ZNF462: variants seen among roughly 807,000 people sequenced by gnomAD.
The protein encoded by ZNF462 is zinc finger PBX1-interacting protein.
In ZNF462, 10 loss-of-function variants were observed where a neutral mutation model predicts 201.9. The observed-to-expected ratio is 0.05, with a 90% confidence interval of 0.03 to 0.08. The LOEUF (loss-of-function observed/expected upper bound fraction) is 0.08, where lower values mean the gene tolerates loss of function less well. Ranked by LOEUF, ZNF462 falls within the 10% of genes least tolerant of loss-of-function variation. The pLI is 1.00. For missense variants in ZNF462, 2,523 were observed against 3,168.3 expected (o/e 0.80, Z 4.89); for synonymous variants, 1,227 against 1,193.3 (o/e 1.03, Z -0.58).
rs1231242910 is a variant in ZNF462 at position 106,966,267 on chromosome 9, A to G, written c.6428-5738A>G. 2.0e-5 allele frequency among the ~76,000 whole-genome samples: 3 copies of G among 151,746 alleles called. No individual in the cohort carries two copies. Among genetic ancestry groups the G allele is most frequent in the Non-Finnish European group, 4.4e-5 (3 of 67,926 alleles). On this transcript the variant is annotated intron_variant, in intron 7 of 12. Transcript: ENST00000277225. The surrounding 1 kb of genome is among the most constrained non-coding windows in gnomAD (Gnocchi z 4.4). ...CTGATGTACATGTTTTTCTGTTCAGACTCATCATTTCTTTACCCTAGGGAA... is the reference window on the plus strand; with the variant it reads ...CTGATGTACATGTTTTTCTGTTCAGGCTCATCATTTCTTTACCCTAGGGAA...
At chr9:106,975,019 A>G (rs1564144766) in intron 9 of ZNF462, 1 of 152,192 alleles carries the variant, frequency 6.6e-6, no homozygotes, top group African/African-American at 2.4e-5. Flanking sequence ...TTTGAGTTGC[A>G]TTTACCCTTG....
At position 106,977,910 on chromosome 9, in the gene ZNF462, T is replaced by C. The variant is rs1038208927; in HGVS notation, c.6832+3637T>C. 2.6e-5 allele frequency among the ~76,000 whole-genome samples: 4 copies of C among 151,516 alleles called. No individual in the cohort carries two copies. The highest frequency in any genetic ancestry group is 5.9e-5 in the Non-Finnish European group (4 of 68,026). On this transcript the variant is annotated intron_variant, in intron 9 of 12. Transcript: ENST00000277225. The surrounding 1 kb of genome is among the most constrained non-coding windows in gnomAD (Gnocchi z 4.6). ...GGAAGCTAGAACTCTGAAATCAAGG[T>C]GTTGACAGAGCTGTGTTTCCTCTGA...
chr9:106,878,497 T>C (rs1008925660), intron 1 of ZNF462, among the ~76,000 whole-genome samples: 1 of 152,254 alleles, frequency 6.6e-6, no homozygotes, highest in Non-Finnish European at 1.5e-5. Flanking sequence ...CATACGTCTA[T>C]TCATTCATTG....
intron 1 of ZNF462, among the ~76,000 whole-genome samples, chr9:106,867,533 T>G (rs1827390491): frequency 6.6e-6 from 1 of 152,030 alleles, no homozygotes; most frequent in African/African-American, 2.4e-5. Flanking sequence ...GAGGAATTGT[T>G]TTTTCCCCCT....
At chr9:106,875,546 G>T (rs1383956763) in intron 1 of ZNF462, among the ~76,000 whole-genome samples, 1 of 152,202 alleles carries the variant, frequency 6.6e-6, no homozygotes, top group Non-Finnish European at 1.5e-5. Context: ...TGTTAATCGA[G>T]AACTTTTAAC....
intron 7 of ZNF462, among the ~76,000 whole-genome samples, chr9:106,941,217 G>A (rs1462366769): frequency 6.6e-6 from 1 of 152,184 alleles, no homozygotes; most frequent in Non-Finnish European, 1.5e-5. Context: ...ACTCTCTTCT[G>A]AGGGCTGTAC....
At chr9:106,980,020 T>C (rs529310603) in intron 9 of ZNF462, among the ~76,000 whole-genome samples, 1 of 152,328 alleles carries the variant, frequency 6.6e-6, no homozygotes, top group African/African-American at 2.4e-5. Flanking sequence ...TCATTTTTCT[T>C]GAGAATAAAG....
At chr9:106,957,857 T>G (rs1273118009) in intron 7 of ZNF462, among the ~76,000 whole-genome samples, 1 of 152,126 alleles carries the variant, frequency 6.6e-6, no homozygotes, top group East Asian at 1.9e-4. Context: ...AGCACATGGA[T>G]AAAGCACTTG....
At chr9:106,862,460 C>G (rs75128206), upstream of ZNF462, among the ~76,000 whole-genome samples, 1 of 152,084 alleles carries the variant, frequency 6.6e-6, no homozygotes, top group Non-Finnish European at 1.5e-5. The surrounding 1 kb of genome is among the most constrained non-coding windows in gnomAD (Gnocchi z 4.2). Flanking sequence ...CGCCTCGGCC[C>G]GGCGGCCGCG....
chr9:106,879,162 G>A (rs1355630549), intron 1 of ZNF462, among the ~76,000 whole-genome samples: 3 of 152,144 alleles, frequency 2.0e-5, no homozygotes, highest in Non-Finnish European at 4.4e-5. Flanking sequence ...CGAGCCAGCA[G>A]TTCTGTTACC....
rs1830502707 is a variant in ZNF462 at position 106,933,429 on chromosome 9, A to T, written c.6116+880A>T. Among the ~76,000 whole-genome samples the T allele has an allele frequency of 2.0e-5, 3 of 152,202 alleles. No individual in the cohort carries two copies. In the South Asian group the frequency reaches 6.2e-4, roughly 31 times the overall value. On this transcript the variant is annotated intron_variant, in intron 5 of 12. Transcript: ENST00000277225. The surrounding 1 kb of genome is among the most constrained non-coding windows in gnomAD (Gnocchi z 4.3). ...ATATCTAATCTTTGTCATCAGATCC[A>T]TACATTGGCATAAAACTTGAAATAC... is the stretch of plus-strand genomic sequence containing the variant.
intron 7 of ZNF462, among the ~76,000 whole-genome samples, chr9:106,957,063 CTG>C (rs1186700796): frequency 1.7e-4 from 26 of 152,290 alleles, no homozygotes; most frequent in African/African-American, 6.3e-4. Context: ...ACTTGACTAA[CTG>C]TTTGGCACAA....
chr9:106,928,348 A>C lies in ZNF462; in HGVS notation c.4436A>C (p.Tyr1479Ser). The change falls in exon 3 of 13, where the codon TAT (tyrosine) becomes TCT (serine). Residue 1479 changes from tyrosine to serine, a missense_variant. Physicochemically the swap from Tyr to Ser is moderately radical, Grantham distance 144 (BLOSUM62 -2). Transcript: ENST00000277225. This position sits in a 1 kb window ranked among gnomAD's most constrained non-coding sequence, Gnocchi z 9.3. ...PYQCTVCQSE[Y>S]NNLHGLLTHY... is the part of the protein sequence containing the mutation. ...CAGTGCACGGTATGCCAATCTGAGT[A>C]TAACAACTTGCACGGCCTTCTCACT... The C allele has an allele frequency of 6.2e-7, 1 of 1,614,176 alleles. No individual in the cohort carries two copies. The highest frequency in any genetic ancestry group is 8.5e-7 in the Non-Finnish European group (1 of 1,180,036).
Position 106,917,725 on chromosome 9 carries a change from G to A in ZNF462, c.-30-5629G>A, listed in dbSNP as rs1344766549. Among the ~76,000 whole-genome samples the A allele has an allele frequency of 6.6e-6, 1 of 152,132 alleles. No individual in the cohort carries two copies. The highest frequency in any genetic ancestry group is 2.4e-5 in the African/African-American group (1 of 41,424). ...TAGCAAAAAGTATAAACATTTGATA[G>A]GTCATTTGAAGACTACATGGTGAGC... On this transcript the variant is annotated intron_variant, in intron 1 of 12. Transcript: ENST00000277225. The surrounding 1 kb of genome is among the most constrained non-coding windows in gnomAD (Gnocchi z 4.5).
In ZNF462 at chr9:107,013,288, A is replaced by G. The variant is rs1830028178; in HGVS notation, c.*2258A>G. The G allele has an allele frequency of 6.6e-6, 1 of 152,182 alleles. No homozygotes were observed. The highest frequency in any genetic ancestry group is 2.4e-5 in the African/African-American group (1 of 41,464). 9.4% of individuals were successfully genotyped at this position (152,182 alleles called of 1,614,324 possible). A position where few individuals can be genotyped will look rare whatever the true frequency, so the allele number is the denominator to read the frequency against. ...AATGTCATTTTTTTCTTTTTCAAACATATACCTGATATTTTGTGGCCGCAC... is the reference window on the plus strand; with the variant it reads ...AATGTCATTTTTTTCTTTTTCAAACGTATACCTGATATTTTGTGGCCGCAC... On this transcript the variant is annotated 3_prime_UTR_variant, in exon 13 of 13. Coordinates refer to ENST00000277225, the MANE Select transcript of ZNF462 (RefSeq NM_021224.6).
At chr9:106,915,715 C>T (rs1829744832) in intron 1 of ZNF462, among the ~76,000 whole-genome samples, 3 of 152,136 alleles carry the variant, frequency 2.0e-5, no homozygotes, top group Non-Finnish European at 4.4e-5. Flanking sequence ...ATCACAGTCC[C>T]CTTGAGTAGG....
Position 106,927,827 on chromosome 9 carries a change from T to A in ZNF462, c.3915T>A (p.Asp1305Glu). Residue 1305 changes from aspartate to glutamate, a missense_variant, in exon 3 of 13, where the codon GAT becomes GAA. Physicochemically the swap from Asp to Glu is conservative, Grantham distance 45. This residue lies in a region of ZNF462 where 222 missense variants were observed against 271.6 expected (regional missense o/e 0.82). Coordinates refer to ENST00000277225, the MANE Select transcript of ZNF462 (RefSeq NM_021224.6). ...VTSIMRWAFLDGLIEAGYHCE... is the reference protein window; with the variant it reads ...VTSIMRWAFLEGLIEAGYHCE... ...CCATCATGCGATGGGCATTTCTAGATGGCTTGATAGAAGCTGGCTACCACT... is the reference window on the plus strand; with the variant it reads ...CCATCATGCGATGGGCATTTCTAGAAGGCTTGATAGAAGCTGGCTACCACT... 6.2e-7 allele frequency: 1 copy of A among 1,614,150 alleles called. No homozygotes were observed. Among genetic ancestry groups the A allele is most frequent in the Non-Finnish European group, 8.5e-7 (1 of 1,180,038 alleles).
Position 107,010,781 on chromosome 9 carries a change from A to G in ZNF462, c.7314-42A>G, listed in dbSNP as rs370983684. The G allele has an allele frequency of 9.2e-5, 140 of 1,513,974 alleles. No homozygotes were observed. The highest frequency in any genetic ancestry group is 1.4e-4 in the African/African-American group (10 of 70,272). 93.8% of individuals were successfully genotyped at this position (1,513,974 alleles called of 1,614,324 possible). A position where few individuals can be genotyped will look rare whatever the true frequency, so the allele number is the denominator to read the frequency against. The stretch of plus-strand genomic sequence containing the variant: ...TTTTTTTGTTTAAAAAGAGAAATAT[A>G]TATACTATACTCATCTGTCTCTTCG... On this transcript the variant is annotated intron_variant, in intron 12 of 12. Transcript: ENST00000277225. The surrounding 1 kb of genome is among the most constrained non-coding windows in gnomAD (Gnocchi z 4.6).
At chr9:106,987,931 A>G (rs1827977554) in intron 10 of ZNF462, among the ~76,000 whole-genome samples, 1 of 151,986 alleles carries the variant, frequency 6.6e-6, no homozygotes, top group South Asian at 2.1e-4. Context: ...TCCTTTCCCC[A>G]CTTCATGTTT....
Sources: gnomAD v4.1 joint callset for allele counts (sites outside exome capture counted in the v4.1 genomes callset) on GRCh38, gnomAD v4.1.1 for gene constraint, gnomAD v4.1.1 regional missense constraint, Gnocchi (gnomAD v3.1) non-coding constraint, MANE v1.5 for transcripts, NCBI Gene and HGNC (gene_info 2026-07-23, HGNC 2026-07-21) for gene names.